Variants in CDH20 observed in about 807,000 individuals in gnomAD.
The protein encoded by CDH20 is cadherin-20.
Under a neutral mutation model 74.2 loss-of-function variants are expected in CDH20, and 29 were observed. That is an observed-to-expected ratio of 0.39 (90% confidence interval 0.29 to 0.53). CDH20 has a LOEUF of 0.53. CDH20 is among the 20% of genes least tolerant of loss of function. The pLI, the probability that CDH20 is intolerant of heterozygous loss-of-function variation, is 0.69. For synonymous variants in CDH20, 469 were observed against 405.4 expected, an observed-to-expected ratio of 1.16 and a Z score of -1.88; for missense variants, 988 against 1,048.3, an observed-to-expected ratio of 0.94 and a Z score of 0.79.
chr18:61,404,246 AACT>A (rs1425004818), intron 1 of CDH20, among the ~76,000 whole-genome samples: 1 of 152,230 alleles, frequency 6.6e-6, no homozygotes, highest in African/African-American at 2.4e-5. Flanking sequence ...AAAATAAAGA[AACT>A]ACTAACAGAA....
Position 61,503,231 on chromosome 18 carries a change from T to G in CDH20, c.829+111T>G, listed in dbSNP as rs948390403. The G allele has an allele frequency of 5.9e-5, 44 of 748,706 alleles. No homozygotes were observed. The African/African-American group carries it at 7.1e-4, about 12-fold the overall frequency. The allele number at this position is 748,706 out of a possible 1,614,324, so 46.4% of individuals were successfully genotyped here. ...TTTCCTCATTAAATTCAATTATCCA[T>G]AGATTCCTTTCTTACATTCATCATG... On this transcript the variant is annotated intron_variant, in intron 5 of 11. Coordinates refer to ENST00000262717, the MANE Select transcript of CDH20 (RefSeq NM_031891.4).
intron 1 of CDH20, among the ~76,000 whole-genome samples, chr18:61,445,501 A>G (rs984402195): frequency 1.4e-4 from 21 of 152,188 alleles, no homozygotes; most frequent in African/African-American, 4.3e-4. Context: ...TCCAAATGTC[A>G]CAACAATCCC....
intron 2 of CDH20, among the ~76,000 whole-genome samples, chr18:61,494,457 C>T (rs999378950): frequency 1.3e-5 from 2 of 152,210 alleles, no homozygotes; most frequent in Non-Finnish European, 2.9e-5. Context: ...CTCATACCAG[C>T]AACCAAGCGA....
chr18:61,512,060 CA>C (rs1911801915), intron 6 of CDH20, among the ~76,000 whole-genome samples: 2 of 152,124 alleles, frequency 1.3e-5, no homozygotes, highest in African/African-American at 4.8e-5. Context: ...AAAATTGAAA[CA>C]AAAGTTCTGC....
At position 61,341,906 on chromosome 18, in the gene CDH20, C is replaced by A. The variant is rs150366672; in HGVS notation, c.-153+8079C>A. Reference sequence around the variant, plus strand: ...GTCTACCTTTATGCTTAGCTGATACCCTCATCTCCATAATATTGGGAGCAT... The same window carrying A: ...GTCTACCTTTATGCTTAGCTGATACACTCATCTCCATAATATTGGGAGCAT... On this transcript the variant is annotated intron_variant, in intron 1 of 11. Coordinates refer to ENST00000262717, the MANE Select transcript of CDH20 (RefSeq NM_031891.4). 3.9e-4 allele frequency among the ~76,000 whole-genome samples: 59 copies of A among 152,188 alleles called. No individual in the cohort carries two copies. In the East Asian group the frequency reaches 0.011, roughly 28 times the overall value.
chr18:61,469,464 C>T (rs115768943), intron 1 of CDH20, among the ~76,000 whole-genome samples: 1,841 of 152,142 alleles, frequency 0.012, 11 homozygotes, highest in Middle Eastern at 0.031. Flanking sequence ...CACAGGTGAT[C>T]TGGCTGCTTC....
chr18:61,366,374 A>G (rs1182306983), intron 1 of CDH20, among the ~76,000 whole-genome samples: 1 of 152,218 alleles, frequency 6.6e-6, no homozygotes, highest in Non-Finnish European at 1.5e-5. Context: ...TCCTCTGACC[A>G]TTTTAAATTT....
At chr18:61,467,156 T>C (rs910359874) in intron 1 of CDH20, among the ~76,000 whole-genome samples, 4 of 152,278 alleles carry the variant, frequency 2.6e-5, no homozygotes, top group African/African-American at 4.8e-5. Flanking sequence ...TATATATATA[T>C]ATAATGATCA....
At chr18:61,379,729 G>C (rs1311134842) in intron 1 of CDH20, among the ~76,000 whole-genome samples, 1 of 152,064 alleles carries the variant, frequency 6.6e-6, no homozygotes, top group African/African-American at 2.4e-5. Context: ...TAGTGTCTTT[G>C]TATACAAAAT....
intron 1 of CDH20, among the ~76,000 whole-genome samples, chr18:61,376,628 T>A (rs567962877): frequency 5.9e-5 from 9 of 151,964 alleles, no homozygotes; most frequent in Non-Finnish European, 1.3e-4. Context: ...AAAATAAAAA[T>A]AAACATATTA....
chr18:61,529,923 C>T (rs1030193790), intron 7 of CDH20, among the ~76,000 whole-genome samples: 1 of 152,134 alleles, frequency 6.6e-6, no homozygotes, highest in Admixed American at 6.5e-5. Context: ...GAGTGTCTGG[C>T]TACCCCACTA....
intron 7 of CDH20, among the ~76,000 whole-genome samples, chr18:61,532,098 T>G (rs903555349): frequency 6.6e-6 from 1 of 152,234 alleles, no homozygotes; most frequent in African/African-American, 2.4e-5. Flanking sequence ...GAGCAGAACC[T>G]GCAGCCAGAC....
intron 7 of CDH20, among the ~76,000 whole-genome samples, chr18:61,528,570 T>C (rs1001830341): frequency 7.9e-5 from 12 of 152,042 alleles, no homozygotes; most frequent in Admixed American, 2.0e-4. Context: ...CACTGAACCA[T>C]GTTTAGCAGC....
chr18:61,513,904 C>A (rs1348953100), intron 6 of CDH20, among the ~76,000 whole-genome samples: 5 of 151,916 alleles, frequency 3.3e-5, no homozygotes, highest in Non-Finnish European at 7.4e-5. Context: ...TGAGGGTAAC[C>A]CGACCTTTCT....
At chr18:61,512,592 C>T (rs897792739) in intron 6 of CDH20, among the ~76,000 whole-genome samples, 33 of 152,150 alleles carry the variant, frequency 2.2e-4, no homozygotes, top group Non-Finnish European at 4.1e-4. Flanking sequence ...CACTCCATGC[C>T]GCTGTTTCCA....
intron 6 of CDH20, among the ~76,000 whole-genome samples, chr18:61,515,163 C>G (rs943331747): frequency 3.9e-5 from 6 of 152,198 alleles, no homozygotes; most frequent in Admixed American, 3.9e-4. Flanking sequence ...CTCCGTGGGC[C>G]TAGGACCCTC....
intron 6 of CDH20, among the ~76,000 whole-genome samples, chr18:61,508,381 A>G (rs1201716316): frequency 6.6e-6 from 1 of 152,206 alleles, no homozygotes; most frequent in Non-Finnish European, 1.5e-5. Context: ...TCAAGTCACT[A>G]AAGTAGTTTA....
chr18:61,404,605 C>T (rs1019565692), intron 1 of CDH20, among the ~76,000 whole-genome samples: 1 of 152,078 alleles, frequency 6.6e-6, no homozygotes, highest in African/African-American at 2.4e-5. Context: ...CAATAATAAT[C>T]CACGGGTAAA....
intron 1 of CDH20, chr18:61,391,505 T>C (rs1293626569): frequency 6.6e-6 from 1 of 152,148 alleles, no homozygotes; most frequent in Admixed American, 6.6e-5. Flanking sequence ...TAGGAGATTA[T>C]TGAATATGTA....
Sources: allele counts gnomAD v4.1 joint callset (sites outside exome capture counted in the v4.1 genomes callset), GRCh38; gene constraint gnomAD v4.1.1; transcripts MANE v1.5; gene names NCBI Gene and HGNC (gene_info 2026-07-23, HGNC 2026-07-21).